The following SRRM2 variants were observed in gnomAD, a reference collection of about 807,000 sequenced individuals.
SRRM2 encodes serine/arginine repetitive matrix protein 2.
In SRRM2, 30 loss-of-function variants were observed where a neutral mutation model predicts 213.8. The observed-to-expected ratio is 0.14, with a 90% CI of 0.10 to 0.19. SRRM2 has a LOEUF of 0.19. Among genes scored for constraint, SRRM2 ranks in the 10% least tolerant of loss-of-function variants. The pLI is 1.00. For synonymous variants in SRRM2, 2,025 were observed against 1,377.7 expected (o/e 1.47, Z -10.40); for missense variants, 4,904 against 3,647.0 (o/e 1.34, Z -8.88).
intron 12 of SRRM2, chr16:2,769,646 G>A (rs763700667): frequency 2.3e-5 from 13 of 556,608 alleles, no homozygotes; most frequent in South Asian, 4.6e-5. Flanking sequence ...CTGTCTCCCC[G>A]TCTCCACGCC....
rs2068399765 is a variant in SRRM2, at chr16:2,762,681, C to G, written c.2153C>G (p.Pro718Arg). The G allele has an allele frequency of 6.2e-7, 1 of 1,614,164 alleles. No homozygotes were observed. Among genetic ancestry groups the G allele is most frequent in the African/African-American group, 1.3e-5 (1 of 75,020 alleles). ...CGTGGAAGATCTCACTCTAGAACAC[C>G]TCAAAGAAGAGGCAGATCTGGCTCA... Reference protein sequence around the residue: ...VRRGRSHSRTPQRRGRSGSSS... With the variant: ...VRRGRSHSRTRQRRGRSGSSS... The change falls in exon 11 of 15, where the codon CCT (proline) becomes CGT (arginine). Residue 718 changes from proline to arginine, a missense_variant. Pro to Arg is a moderately radical substitution (Grantham distance 103). Coordinates refer to ENST00000301740, the MANE Select transcript of SRRM2 (RefSeq NM_016333.4).
chr16:2,755,145 AAG>A (rs2068096440), intron 1 of SRRM2, among the ~76,000 whole-genome samples: 1 of 152,328 alleles, frequency 6.6e-6, no homozygotes, highest in Admixed American at 6.5e-5. Context: ...GAGGGTGAGA[AAG>A]AGAGTATATG....
At chr16:2,770,216 G>A (rs2068692690) in intron 12 of SRRM2, 136 bp from the exon 13 acceptor site, 1 of 1,452,040 alleles carries the variant, frequency 6.9e-7, no homozygotes, top group African/African-American at 1.4e-5. Context: ...ATGGGTGAGT[G>A]AGCGGACAAA....
chr16:2,764,041 C>T lies in SRRM2; in HGVS notation c.3513C>T (p.Pro1171=), dbSNP rs376935717. Residue 1171 remains proline, a synonymous_variant, in exon 11 of 15, where the codon CCC becomes CCT. Transcript: ENST00000301740. The part of the protein sequence containing the change: ...TAESKEKMAL[P]PQEDATASPP... ...AATCAAAAGAGAAAATGGCCTTACC[C>T]CCTCAGGAGGATGCTACTGCATCAC... is the stretch of plus-strand genomic sequence containing the variant. 5.6e-6 allele frequency: 9 copies of T among 1,614,000 alleles called. No homozygotes were observed. The highest frequency in any genetic ancestry group is 3.3e-5 in the Admixed American group (2 of 60,004).
chr16:2,767,771 A>G lies in SRRM2; in HGVS notation c.7243A>G (p.Ser2415Gly), dbSNP rs2068593685. Residue 2415 changes from serine (S) to glycine (G), a missense_variant, in exon 11 of 15, where the codon AGC becomes GGC. Ser to Gly is a moderately conservative substitution (Grantham distance 56). Transcript: ENST00000301740. ...GTCCAGAACACCACCGTCTGCCCCA[A>G]GCCAATCTAGGATGACCTCTGAACG... is the stretch of plus-strand genomic sequence containing the variant. ...ARSRTPPSAPSQSRMTSERAP... is the reference protein window; with the variant it reads ...ARSRTPPSAPGQSRMTSERAP... The G allele has an allele frequency of 5.0e-6, 8 of 1,613,216 alleles. No homozygotes were observed. The highest frequency in any genetic ancestry group is 1.6e-4 in the Middle Eastern group (1 of 6,084).
chr16:2,757,373 T>A (rs1250104110), intron 2 of SRRM2, 99 bp from the exon 3 acceptor site: 5 of 981,334 alleles, frequency 5.1e-6, no homozygotes, highest in Non-Finnish European at 7.9e-6. Flanking sequence ...TGTGTGCGCA[T>A]GGAGAGGGAG....
In SRRM2 at chr16:2,768,174, C is replaced by G; in HGVS notation, c.7646C>G (p.Ser2549Trp). Residue 2549 changes from serine to tryptophan, a missense_variant, in exon 11 of 15, where the codon TCG becomes TGG. Coordinates refer to ENST00000301740, the MANE Select transcript of SRRM2 (RefSeq NM_016333.4). ...SSSSSSSSSSSSSSSSSSGSS... is the reference protein window; with the variant it reads ...SSSSSSSSSSWSSSSSSSGSS... ...AGCTCCTCCTCTTCTTCATCATCGTCGTCGTCGTCCTCCTCCTCCTCTGGC... is the reference window on the plus strand; with the variant it reads ...AGCTCCTCCTCTTCTTCATCATCGTGGTCGTCGTCCTCCTCCTCCTCTGGC... 4 of 1,612,788 alleles carry G rather than the reference C, an allele frequency of 2.5e-6. No homozygotes were observed. The highest frequency in any genetic ancestry group is 3.4e-6 in the Non-Finnish European group (4 of 1,179,070).
In SRRM2 at chr16:2,764,587, A is replaced by G; in HGVS notation, c.4059A>G (p.Glu1353=). The G allele has an allele frequency of 6.2e-7, 1 of 1,614,260 alleles. No homozygotes were observed. Among genetic ancestry groups the G allele is most frequent in the East Asian group, 2.2e-5 (1 of 44,892 alleles). The part of the protein sequence containing the change: ...MNTGFSSEVK[E]DLNGPFLNQL... ...CTGGATTTTCTTCTGAGGTTAAAGA[A>G]GATTTGAATGGACCGTTTCTTAATC... Residue 1353 remains glutamate, a synonymous_variant, in exon 11 of 15, where the codon GAA becomes GAG. Transcript: ENST00000301740.
Position 2,759,618 on chromosome 16 carries a change from ACTTCTG to A in SRRM2, c.793_798del (p.Ser265_Ala266del). 1 of 1,614,032 alleles carries A rather than the reference ACTTCTG, an allele frequency of 6.2e-7. No homozygotes were observed. On this transcript the variant is annotated inframe_deletion, in exon 9 of 15. Transcript: ENST00000301740. ...CAAGAGCCGCCGGGCCCACCGTTCA[ACTTCTG>A]CTGACTCTGCTTCCTCCTCCGATAC... is the stretch of plus-strand genomic sequence containing the variant.
intron 10 of SRRM2, 68 bp from the exon 11 acceptor site, chr16:2,761,490 TGGG>T: frequency 7.7e-7 from 1 of 1,296,658 alleles, no homozygotes; most frequent in Non-Finnish European, 1.0e-6. Context: ...GAAAGGGTGT[TGGG>T]ATCTTAGGGG....
intron 7 of SRRM2, 73 bp downstream of exon 7, chr16:2,759,245 C>T: frequency 6.2e-7 from 1 of 1,604,656 alleles, no homozygotes; most frequent in Non-Finnish European, 8.5e-7. Flanking sequence ...GAGTGAAGCT[C>T]AATTCCTTGA....
rs994709958 is a variant in SRRM2, at chr16:2,768,008, C to T, written c.7480C>T (p.Leu2494Phe). 2 of 1,614,210 alleles carry T rather than the reference C, an allele frequency of 1.2e-6. No individual in the cohort carries two copies. The highest frequency in any genetic ancestry group is 1.7e-5 in the Admixed American group (1 of 60,034). Residue 2494 changes from leucine (L) to phenylalanine (F), a missense_variant, in exon 11 of 15, where the codon CTC (leucine) becomes TTC (phenylalanine). Coordinates refer to ENST00000301740, the MANE Select transcript of SRRM2 (RefSeq NM_016333.4). ...CTCTGCTGGTGATCACAATGGCATG[C>T]TCTCTGTCCCTGCCCCTGGGGTGCC... ...TSSAGDHNGM[L>F]SVPAPGVPHS...
rs1356216580 is a variant in SRRM2 at position 2,770,928 on chromosome 16, T to C, written c.*61T>C. The C allele has an allele frequency of 1.2e-6, 2 of 1,608,874 alleles. No individual in the cohort carries two copies. The highest frequency in any genetic ancestry group is 1.9e-4 in the Middle Eastern group (1 of 5,344). ...TGGAGCCACAAGGAGTGTCCCTTCT[T>C]CCCCAGCAGAGCCGTGGGAGGGTCC... is the stretch of plus-strand genomic sequence containing the variant. On this transcript the variant is annotated 3_prime_UTR_variant, in exon 15 of 15. Coordinates refer to ENST00000301740, the MANE Select transcript of SRRM2 (RefSeq NM_016333.4).
At chr16:2,770,200 G>A (rs945020916) in intron 12 of SRRM2, 152 bp from the exon 13 acceptor site, 5 of 1,448,106 alleles carry the variant, frequency 3.5e-6, no homozygotes, top group East Asian at 2.5e-5. Context: ...GATGGTGTGC[G>A]GGCGGATGGG....
Position 2,763,681 on chromosome 16 carries a change from T to G in SRRM2, c.3153T>G (p.Gly1051=), listed in dbSNP as rs1441618350. The G allele has an allele frequency of 1.9e-6, 3 of 1,614,214 alleles. No homozygotes were observed. The South Asian group carries it at 3.3e-5, about 18-fold the overall frequency. The change falls in exon 11 of 15, where the codon GGT becomes GGG. Residue 1051 remains glycine, a synonymous_variant. Transcript: ENST00000301740. ...CACCACCAGGCGAGAGCTATTTTGG[T>G]GTCTCATCTCTGCAACTGAAAGGAC... is the stretch of plus-strand genomic sequence containing the variant. ...SSTPPGESYF[G]VSSLQLKGQS...
intron 6 of SRRM2, 29 bp from the exon 7 acceptor site, chr16:2,759,111 T>TA: frequency 6.2e-7 from 1 of 1,614,138 alleles, no homozygotes; most frequent in Non-Finnish European, 8.5e-7. Context: ...AGGTGTTTCT[T>TA]ATGTTTTTTC....
In SRRM2 at chr16:2,763,505, A is replaced by C; in HGVS notation, c.2977A>C (p.Ile993Leu). Residue 993 changes from isoleucine (I) to leucine (L), a missense_variant, in exon 11 of 15, where the codon ATT becomes CTT. Ile to Leu is a conservative substitution (Grantham distance 5). Transcript: ENST00000301740. ...GCCAAGACAAAGTCACTCAGGGTCT[A>C]TTTCACCATACCCCAAAGTAAAGGC... ...TPPRQSHSGS[I>L]SPYPKVKAQT... The C allele has an allele frequency of 6.2e-7, 1 of 1,614,152 alleles. No individual in the cohort carries two copies. Among genetic ancestry groups the C allele is most frequent in the Non-Finnish European group, 8.5e-7 (1 of 1,180,016 alleles).
In SRRM2 at chr16:2,770,385, C is replaced by T; in HGVS notation, c.8055C>T (p.Leu2685=). 2 of 1,608,532 alleles carry T rather than the reference C, an allele frequency of 1.2e-6. No individual in the cohort carries two copies. Among genetic ancestry groups the T allele is most frequent in the Non-Finnish European group, 1.7e-6 (2 of 1,177,560 alleles). The change falls in exon 13 of 15, where the codon CTC becomes CTT. Residue 2685 remains leucine (L), a synonymous_variant. Coordinates refer to ENST00000301740, the MANE Select transcript of SRRM2 (RefSeq NM_016333.4). The part of the protein sequence containing the change: ...SRSPRKPIDS[L]RDSRSLSYSP... The stretch of plus-strand genomic sequence containing the variant: ...GCCCCCGGAAGCCAATAGACTCCCT[C>T]AGGGACTCTCGGTCCCTCAGCTACT...
intron 9 of SRRM2, chr16:2,759,979 G>A (rs540711323): frequency 1.9e-6 from 1 of 538,014 alleles, no homozygotes; most frequent in Admixed American, 3.3e-5. Context: ...CTTAATCGGG[G>A]AAGGCTTCCT....
Sources: gnomAD v4.1 joint callset for allele counts (sites outside exome capture counted in the v4.1 genomes callset) on GRCh38, gnomAD v4.1.1 for gene constraint, MANE v1.5 for transcripts, NCBI Gene and HGNC (gene_info 2026-07-23, HGNC 2026-07-21) for gene names.